Variants in CCSER1 observed in about 807,000 individuals in gnomAD.
CCSER1 encodes serine-rich coiled-coil domain-containing protein 1.
In CCSER1, 41 loss-of-function variants were observed where a neutral mutation model predicts 82.0. The ratio of observed to expected loss-of-function variants is 0.50; its 90% confidence interval spans 0.39 to 0.65. The LOEUF is 0.65. Ranked by LOEUF, CCSER1 falls within the 30% of genes least tolerant of loss-of-function variation. The probability of loss-of-function intolerance (pLI) is 0.00; values close to 1 mark genes in which losing one functional copy is unlikely to be tolerated. For synonymous variants in CCSER1, 414 were observed against 383.9 expected, an observed-to-expected ratio of 1.08 and a Z score of -0.92; for missense variants, 1,119 against 1,064.2, an observed-to-expected ratio of 1.05 and a Z score of -0.72.
chr4:91,012,212 C>G (rs1010313769), intron 9 of CCSER1, among the ~76,000 whole-genome samples: 1 of 134,506 alleles, frequency 7.4e-6, no homozygotes, highest in Non-Finnish European at 1.7e-5. Flanking sequence ...TTTACTCAGG[C>G]ACAGGGTAGT....
chr4:90,794,760 C>T (rs922018874), intron 7 of CCSER1, among the ~76,000 whole-genome samples: 14 of 152,104 alleles, frequency 9.2e-5, no homozygotes, highest in African/African-American at 3.1e-4. Flanking sequence ...GCTTTGGGCA[C>T]TATGGCTATT....
rs140017621 is a variant in CCSER1 at position 90,494,354 on chromosome 4, C to A, written c.1724+26000C>A. ...TCCCACTGTCAACATTAGACAGATCCACGAGACAGAAAGTTAGCGAGGATA... is the reference window on the plus strand; with the variant it reads ...TCCCACTGTCAACATTAGACAGATCAACGAGACAGAAAGTTAGCGAGGATA... On this transcript the variant is annotated intron_variant, in intron 5 of 10. Coordinates refer to ENST00000509176, the MANE Select transcript of CCSER1 (RefSeq NM_001145065.2). 3.6e-3 allele frequency among the ~76,000 whole-genome samples: 544 copies of A among 152,174 alleles called. 4 individuals are homozygous for A. The highest frequency in any genetic ancestry group is 0.012 in the African/African-American group (515 of 41,542).
At chr4:91,343,775 C>T (rs868838568) in intron 10 of CCSER1, among the ~76,000 whole-genome samples, 24 of 152,026 alleles carry the variant, frequency 1.6e-4, no homozygotes, top group African/African-American at 4.1e-4. Context: ...TCAGACAATA[C>T]GATCTATGTA....
At chr4:91,446,380 A>T (rs182187937) in intron 10 of CCSER1, among the ~76,000 whole-genome samples, 3 of 152,154 alleles carry the variant, frequency 2.0e-5, no homozygotes, top group Admixed American at 2.0e-4. Flanking sequence ...AGTGAGAATT[A>T]ACCATTTACA....
chr4:90,396,028 C>T (rs1388637204), intron 3 of CCSER1, among the ~76,000 whole-genome samples: 1 of 152,064 alleles, frequency 6.6e-6, no homozygotes, highest in Non-Finnish European at 1.5e-5. Context: ...TTGCAGTGAG[C>T]CAAGATCGCA....
At chr4:91,096,589 G>A (rs1463316655) in intron 10 of CCSER1, among the ~76,000 whole-genome samples, 1 of 152,120 alleles carries the variant, frequency 6.6e-6, no homozygotes, top group Admixed American at 6.5e-5. Flanking sequence ...ACCTGTCCAG[G>A]CTTCCTTCTG....
intron 5 of CCSER1, among the ~76,000 whole-genome samples, chr4:90,487,332 A>G (rs995676835): frequency 6.6e-6 from 1 of 152,250 alleles, no homozygotes; most frequent in South Asian, 2.1e-4. Context: ...TGTCTGACTT[A>G]GATCATGCAC....
chr4:90,880,592 T>C (rs184957268), intron 8 of CCSER1, among the ~76,000 whole-genome samples: 44 of 152,284 alleles, frequency 2.9e-4, no homozygotes, highest in African/African-American at 1.0e-3. Flanking sequence ...TCAGTTGCCC[T>C]TGGAGGCTCT....
At chr4:91,548,987 T>A (rs1762028322) in intron 10 of CCSER1, among the ~76,000 whole-genome samples, 1 of 152,122 alleles carries the variant, frequency 6.6e-6, no homozygotes, top group Non-Finnish European at 1.5e-5. Context: ...GATATTCCCA[T>A]TATGCATGTT....
intron 9 of CCSER1, among the ~76,000 whole-genome samples, chr4:90,943,542 G>C (rs888362852): frequency 1.3e-5 from 2 of 151,862 alleles, no homozygotes; most frequent in African/African-American, 4.8e-5. Flanking sequence ...TACTCTAAAA[G>C]GGAGAGAGAC....
intron 10 of CCSER1, among the ~76,000 whole-genome samples, chr4:91,288,761 G>A (rs906118688): frequency 1.3e-5 from 2 of 152,008 alleles, no homozygotes; most frequent in African/African-American, 4.8e-5. Context: ...GCAGCTAGGG[G>A]AAGGGAGCAG....
chr4:90,309,640 A>G, intron 2 of CCSER1, 32 bp downstream of exon 2: 1 of 1,468,342 alleles, frequency 6.8e-7, no homozygotes, highest in Non-Finnish European at 9.1e-7. Flanking sequence ...AACAAATGAT[A>G]TGAATTAATT....
intron 4 of CCSER1, among the ~76,000 whole-genome samples, chr4:90,407,767 G>T (rs897700566): frequency 1.3e-5 from 2 of 152,118 alleles, no homozygotes; most frequent in Non-Finnish European, 2.9e-5. Flanking sequence ...CATCTCACGG[G>T]GGAGTGCTGG....
chr4:91,203,567 A>G (rs1166870674), intron 10 of CCSER1, among the ~76,000 whole-genome samples: 2 of 151,962 alleles, frequency 1.3e-5, no homozygotes. Flanking sequence ...GATTAGTAAA[A>G]TAGATCTGTA....
intron 9 of CCSER1, among the ~76,000 whole-genome samples, chr4:90,966,110 G>A (rs931091223): frequency 2.6e-5 from 4 of 152,158 alleles, no homozygotes; most frequent in Non-Finnish European, 4.4e-5. Context: ...CAGAGACTCA[G>A]AAACCTGTAA....
rs377436062 is a variant in CCSER1, at chr4:91,327,139, ACT to A, written c.2217+241148_2217+241149del. 1.8e-3 allele frequency among the ~76,000 whole-genome samples: 273 copies of A among 151,896 alleles called. 3 individuals carry two copies. In the East Asian group the frequency reaches 0.035, roughly 20 times the overall value. ...TTCACTAATCAGTGCCCCAGTGGGA[ACT>A]CTATGTGGGGGCTCGAACCCCACAT... is the stretch of plus-strand genomic sequence containing the variant. On this transcript the variant is annotated intron_variant, in intron 10 of 10. Coordinates refer to ENST00000509176, the MANE Select transcript of CCSER1 (RefSeq NM_001145065.2).
chr4:90,636,542 T>A (rs1725449325), intron 6 of CCSER1, among the ~76,000 whole-genome samples: 1 of 152,168 alleles, frequency 6.6e-6, no homozygotes, highest in East Asian at 1.9e-4. Flanking sequence ...TTCCAGTTTT[T>A]TTAGCATCCA....
chr4:91,482,474 G>A (rs571538416), intron 10 of CCSER1, among the ~76,000 whole-genome samples: 78 of 148,890 alleles, frequency 5.2e-4, no homozygotes, highest in Admixed American at 6.0e-4. Flanking sequence ...GTAGAAATAC[G>A]AATGCTTTTA....
At chr4:90,874,540 T>A (rs1766957896) in intron 8 of CCSER1, among the ~76,000 whole-genome samples, 1 of 152,122 alleles carries the variant, frequency 6.6e-6, no homozygotes, top group African/African-American at 2.4e-5. Flanking sequence ...CTGCTGTTTT[T>A]CCCTCCCTCC....
Sources: gnomAD v4.1 joint callset for allele counts (sites outside exome capture counted in the v4.1 genomes callset) on GRCh38, gnomAD v4.1.1 for gene constraint, MANE v1.5 for transcripts, NCBI Gene and HGNC (gene_info 2026-07-23, HGNC 2026-07-21) for gene names.